Variants in SPTLC3 observed in about 807,000 individuals in gnomAD.
SPTLC3 encodes serine palmitoyltransferase 3.
A neutral mutation model predicts 59.3 loss-of-function variants in SPTLC3; 36 were observed. That is an observed-to-expected ratio of 0.61 (90% CI 0.47 to 0.80). The LOEUF (loss-of-function observed/expected upper bound fraction) is 0.80. Among genes scored for constraint, SPTLC3 ranks in the 30% least tolerant of loss-of-function variants. SPTLC3 has a pLI of 0.00. For synonymous variants in SPTLC3, 257 were observed against 240.8 expected (o/e 1.07, Z -0.62); for missense variants, 625 against 685.1 (o/e 0.91, Z 0.98).
intron 8 of SPTLC3, among the ~76,000 whole-genome samples, chr20:13,120,049 A>G (rs1990817414): frequency 6.6e-6 from 1 of 152,210 alleles, no homozygotes; most frequent in Non-Finnish European, 1.5e-5. Flanking sequence ...CAAGTCAAAC[A>G]TATATTTTAT....
At chr20:13,015,680 G>T (rs1239410739) in intron 1 of SPTLC3, among the ~76,000 whole-genome samples, 3 of 151,972 alleles carry the variant, frequency 2.0e-5, no homozygotes, top group Non-Finnish European at 4.4e-5. Flanking sequence ...AAGAATAATT[G>T]GAAAGACTAT....
intron 9 of SPTLC3, among the ~76,000 whole-genome samples, chr20:13,135,361 A>G (rs73085891): frequency 1.1e-3 from 173 of 152,310 alleles, no homozygotes; most frequent in Non-Finnish European, 2.0e-3. Flanking sequence ...AACTCATGCT[A>G]TAACAGTCAC....
rs141856273 is a variant in SPTLC3 at position 13,029,704 on chromosome 20, G to A, written c.118-19241G>A. Reference sequence around the variant, plus strand: ...AGTAAAATAACATGTGCTGCTTTCAGTGCAAACAAAAGATCTCAGCCAGGG... The same window carrying A: ...AGTAAAATAACATGTGCTGCTTTCAATGCAAACAAAAGATCTCAGCCAGGG... On this transcript the variant is annotated intron_variant, in intron 1 of 11. Transcript: ENST00000399002. 3.6e-4 allele frequency among the ~76,000 whole-genome samples: 55 copies of A among 152,262 alleles called. 1 individual carries two copies. The highest frequency in any genetic ancestry group is 1.3e-3 in the African/African-American group (54 of 41,558).
chr20:13,057,515 C>T (rs76890844), intron 2 of SPTLC3, among the ~76,000 whole-genome samples: 5,558 of 152,238 alleles, frequency 0.037, 150 homozygotes, highest in Non-Finnish European at 0.061. Flanking sequence ...CTATTTATTT[C>T]TCCTTCTTTT....
chr20:13,030,176 GCCC>G (rs1986366054), intron 1 of SPTLC3, among the ~76,000 whole-genome samples: 1 of 152,148 alleles, frequency 6.6e-6, no homozygotes, highest in Admixed American at 6.6e-5. Context: ...GTCACTGGCT[GCCC>G]CTACTGTGAA....
In SPTLC3 at chr20:13,133,757, T is replaced by C. The variant is rs116955264; in HGVS notation, c.1279+7040T>C. 5.9e-3 allele frequency among the ~76,000 whole-genome samples: 905 copies of C among 152,102 alleles called. 4 individuals are homozygous for C. Among genetic ancestry groups the C allele is most frequent in the Non-Finnish European group, 9.1e-3 (622 of 67,998 alleles). The stretch of plus-strand genomic sequence containing the variant: ...CCAGCAGACGAGATATGGGGTTTAT[T>C]TAGGGGAACTTACGTACAGGGATGG... On this transcript the variant is annotated intron_variant, in intron 9 of 11. Transcript: ENST00000399002.
intron 9 of SPTLC3, among the ~76,000 whole-genome samples, chr20:13,134,358 TC>T (rs1198037250): frequency 2.6e-5 from 4 of 152,340 alleles, no homozygotes; most frequent in African/African-American, 9.6e-5. Flanking sequence ...ATAATTCTTG[TC>T]TGCAGGCATG....
At chr20:13,146,476 T>C (rs917732313) in intron 9 of SPTLC3, among the ~76,000 whole-genome samples, 22 of 152,186 alleles carry the variant, frequency 1.4e-4, no homozygotes, top group Admixed American at 3.9e-4. Context: ...CAGAAGGCCC[T>C]CAGCTTCCCA....
At chr20:13,033,608 G>A (rs1469679968) in intron 1 of SPTLC3, among the ~76,000 whole-genome samples, 2 of 152,120 alleles carry the variant, frequency 1.3e-5, no homozygotes, top group Non-Finnish European at 2.9e-5. Flanking sequence ...GAGGAGGAGA[G>A]GTAAATGGGT....
intron 10 of SPTLC3, among the ~76,000 whole-genome samples, chr20:13,157,561 T>G (rs978935849): frequency 6.6e-6 from 1 of 152,108 alleles, no homozygotes; most frequent in Non-Finnish European, 1.5e-5. Context: ...CTCTCAAGCT[T>G]TAGTCCATAG....
At chr20:13,122,846 G>A (rs2037897708) in intron 8 of SPTLC3, among the ~76,000 whole-genome samples, 1 of 152,126 alleles carries the variant, frequency 6.6e-6, no homozygotes, top group Non-Finnish European at 1.5e-5. Flanking sequence ...CCATAAGGAT[G>A]GAGGAAGAGT....
At position 13,009,981 on chromosome 20, in the gene SPTLC3, A is replaced by C. The variant is rs367895979; in HGVS notation, c.117+597A>C. ...CAGAAAGCAGGGCTGATTGTGACAC[A>C]CTGCTCTCAGAAAACAGAACAGCAT... On this transcript the variant is annotated intron_variant, in intron 1 of 11. Transcript: ENST00000399002. 3.0e-4 allele frequency among the ~76,000 whole-genome samples: 45 copies of C among 152,150 alleles called. No homozygotes were observed. In the South Asian group the frequency reaches 5.4e-3, roughly 18 times the overall value.
intron 1 of SPTLC3, among the ~76,000 whole-genome samples, chr20:13,021,226 G>T (rs1464416726): frequency 6.6e-6 from 1 of 151,762 alleles, no homozygotes; most frequent in Admixed American, 6.6e-5. Context: ...TTCTATTCTT[G>T]GTTCCTCCTC....
At chr20:13,105,498 T>C (rs1268454943) in intron 6 of SPTLC3, among the ~76,000 whole-genome samples, 3 of 152,190 alleles carry the variant, frequency 2.0e-5, no homozygotes, top group Non-Finnish European at 4.4e-5. Flanking sequence ...CGTGTTATTT[T>C]TAAAAATGGA....
At chr20:13,061,980 T>A (rs1361511609) in intron 2 of SPTLC3, among the ~76,000 whole-genome samples, 1 of 152,114 alleles carries the variant, frequency 6.6e-6, no homozygotes, top group East Asian at 1.9e-4. Context: ...GTCTCTAACT[T>A]CATCCCTTCT....
chr20:13,117,204 C>CA (rs1383877770), intron 7 of SPTLC3, among the ~76,000 whole-genome samples: 1 of 152,186 alleles, frequency 6.6e-6, no homozygotes, highest in African/African-American at 2.4e-5. Flanking sequence ...AGTCTAGTTA[C>CA]ACCAGTTGGC....
chr20:13,145,729 A>G (rs941927131), intron 9 of SPTLC3, among the ~76,000 whole-genome samples: 2 of 152,220 alleles, frequency 1.3e-5, no homozygotes, highest in African/African-American at 4.8e-5. Flanking sequence ...ATGTTACCCA[A>G]CTTCACACTA....
At chr20:13,087,104 G>A (rs74692992) in intron 4 of SPTLC3, among the ~76,000 whole-genome samples, 12 of 152,154 alleles carry the variant, frequency 7.9e-5, no homozygotes, top group East Asian at 3.9e-4. Context: ...CCTCCTCCCC[G>A]TCTTTAAGCC....
chr20:13,094,626 C>T (rs1989348880), intron 6 of SPTLC3, among the ~76,000 whole-genome samples: 1 of 152,176 alleles, frequency 6.6e-6, no homozygotes, highest in Non-Finnish European at 1.5e-5. Flanking sequence ...CACCTCGCAG[C>T]AATCTTAAAC....
Sources: gnomAD v4.1 joint callset for allele counts (sites outside exome capture counted in the v4.1 genomes callset) on GRCh38, gnomAD v4.1.1 for gene constraint, MANE v1.5 for transcripts, NCBI Gene and HGNC (gene_info 2026-07-23, HGNC 2026-07-21) for gene names.